DOCK9: variants seen among roughly 807,000 people sequenced by gnomAD.
The protein encoded by DOCK9 is dedicator of cytokinesis 9.
Under a neutral mutation model 263.3 loss-of-function variants are expected in DOCK9, and 89 were observed. The ratio of observed to expected loss-of-function variants is 0.34; its 90% CI spans 0.28 to 0.40. DOCK9 has a LOEUF of 0.40. DOCK9 is among the 10% of genes least tolerant of loss of function. The pLI is 1.00. For synonymous variants in DOCK9, 976 were observed against 973.1 expected, an observed-to-expected ratio of 1.00 and a Z score of -0.06; for missense variants, 2,140 against 2,603.4, an observed-to-expected ratio of 0.82 and a Z score of 3.87.
At position 98,883,795 on chromosome 13, in the gene DOCK9, T is replaced by C. The variant is rs1188297118; in HGVS notation, c.2469+18A>G. The C allele has an allele frequency of 3.2e-6, 5 of 1,561,044 alleles. No homozygotes were observed. The stretch of plus-strand genomic sequence containing the variant: ...GTCACAGGGCAGCAACTGCTAATTT[T>C]GTTGAAGGAGCACATACCTGAGTAT... On this transcript the variant is annotated intron_variant, in intron 22 of 52. Coordinates refer to ENST00000682017, the MANE Select transcript of DOCK9 (RefSeq NM_001366683.2).
chr13:98,890,734 A>T (rs1192357779), intron 15 of DOCK9, among the ~76,000 whole-genome samples: 3 of 152,206 alleles, frequency 2.0e-5, no homozygotes, highest in Admixed American at 6.5e-5. Flanking sequence ...ACTCCTCAGT[A>T]CATCTTGGAA....
chr13:98,973,792 T>C (rs1037500872), intron 1 of DOCK9, among the ~76,000 whole-genome samples: 3 of 152,206 alleles, frequency 2.0e-5, no homozygotes, highest in East Asian at 1.9e-4. Flanking sequence ...GAGACGGAGT[T>C]TCGCCATGTT....
intron 50 of DOCK9, among the ~76,000 whole-genome samples, chr13:98,798,730 A>G (rs893069604): frequency 2.0e-5 from 3 of 152,208 alleles, no homozygotes; most frequent in African/African-American, 7.2e-5. Context: ...AAATACGCAA[A>G]TAAAATGATA....
At chr13:98,964,919 T>C (rs1403417316) in intron 1 of DOCK9, among the ~76,000 whole-genome samples, 1 of 152,288 alleles carries the variant, frequency 6.6e-6, no homozygotes, top group East Asian at 1.9e-4. Flanking sequence ...CAAGGATGGA[T>C]AACACTGGAG....
At chr13:99,010,000 TAAA>T (rs35908012) in intron 1 of DOCK9, among the ~76,000 whole-genome samples, 7 of 134,588 alleles carry the variant, frequency 5.2e-5, no homozygotes, top group African/African-American at 1.3e-4. Flanking sequence ...GGCCATAAGG[TAAA>T]AAAAAAAAAA....
intron 1 of DOCK9, among the ~76,000 whole-genome samples, chr13:99,031,654 G>A (rs1184255678): frequency 2.6e-5 from 4 of 152,146 alleles, no homozygotes; most frequent in East Asian, 1.9e-4. Context: ...AAAGAGCATC[G>A]ATGAAAATGT....
chr13:98,917,080 T>G (rs550290547), intron 7 of DOCK9, among the ~76,000 whole-genome samples: 1 of 152,324 alleles, frequency 6.6e-6, no homozygotes, highest in Non-Finnish European at 1.5e-5. Flanking sequence ...CACCATCAGC[T>G]GCATCTGCAA....
intron 9 of DOCK9, among the ~76,000 whole-genome samples, chr13:98,912,984 AAC>A: frequency 6.6e-6 from 1 of 152,336 alleles, no homozygotes; most frequent in South Asian, 2.1e-4. Context: ...TCATAACACA[AAC>A]ACACAAGCCA....
chr13:98,830,332 A>G (rs1256672628), intron 41 of DOCK9, among the ~76,000 whole-genome samples: 5 of 152,006 alleles, frequency 3.3e-5, no homozygotes, highest in Non-Finnish European at 7.4e-5. Flanking sequence ...TGTCAACTCA[A>G]TCTCCTCTTC....
intron 39 of DOCK9, among the ~76,000 whole-genome samples, chr13:98,836,017 T>A (rs2092985386): frequency 6.6e-6 from 1 of 152,160 alleles, no homozygotes; most frequent in South Asian, 2.1e-4. Context: ...ATTACAGGTG[T>A]GAGCCACTTC....
At chr13:98,930,573 G>A (rs2053757539) in intron 2 of DOCK9, among the ~76,000 whole-genome samples, 1 of 152,126 alleles carries the variant, frequency 6.6e-6, no homozygotes, top group Non-Finnish European at 1.5e-5. Context: ...GCTTGATCTA[G>A]CCCCATGACA....
intron 2 of DOCK9, among the ~76,000 whole-genome samples, chr13:98,939,313 GAA>G (rs1472358474): frequency 3.9e-5 from 6 of 152,168 alleles, no homozygotes; most frequent in Non-Finnish European, 5.9e-5. Flanking sequence ...TCAGAGAGAA[GAA>G]GGCCCGGGGT....
chr13:98,902,548 G>T, intron 11 of DOCK9, 57 bp from the exon 12 acceptor site: 1 of 1,527,930 alleles, frequency 6.5e-7, no homozygotes, highest in Non-Finnish European at 8.9e-7. Flanking sequence ...ACAAAAGAAT[G>T]TTGCTATCAA....
intron 45 of DOCK9, among the ~76,000 whole-genome samples, chr13:98,822,175 G>C (rs117564286): frequency 0.034 from 5,115 of 152,282 alleles, 125 homozygotes; most frequent in Middle Eastern, 0.088. Flanking sequence ...GATTTACTAA[G>C]TTTATGCTTC....
chr13:98,987,428 G>C (rs539491207), intron 1 of DOCK9, among the ~76,000 whole-genome samples: 103 of 152,310 alleles, frequency 6.8e-4, no homozygotes, highest in African/African-American at 2.4e-3. Flanking sequence ...TTGAACATTG[G>C]TGGATATGAA....
chr13:98,807,907 G>C, intron 47 of DOCK9, 100 bp from the exon 48 acceptor site: 1 of 1,025,794 alleles, frequency 9.7e-7, no homozygotes, highest in Admixed American at 3.1e-5. Flanking sequence ...AAAGGAATGG[G>C]TCTAAAAATC....
intron 36 of DOCK9, among the ~76,000 whole-genome samples, chr13:98,849,792 G>A (rs2093507954): frequency 6.6e-6 from 1 of 152,146 alleles, no homozygotes; most frequent in Non-Finnish European, 1.5e-5. Context: ...ATTTTATTAA[G>A]ATGACTTATA....
At position 98,894,868 on chromosome 13, in the gene DOCK9, G is replaced by A. The variant is rs531013156; in HGVS notation, c.1709+2620C>T. On this transcript the variant is annotated intron_variant, in intron 15 of 52. Coordinates refer to ENST00000682017, the MANE Select transcript of DOCK9 (RefSeq NM_001366683.2). ...TCACACCTGTAATCCCAGCACTTTGGGAAGCTGAGGCGGGCAGATTGCCTG... is the reference window on the plus strand; with the variant it reads ...TCACACCTGTAATCCCAGCACTTTGAGAAGCTGAGGCGGGCAGATTGCCTG... Among the ~76,000 whole-genome samples, 24 of 149,194 alleles carry A rather than the reference G, an allele frequency of 1.6e-4. No individual in the cohort carries two copies. The South Asian group carries it at 4.9e-3, about 30-fold the overall frequency.
At chr13:99,005,152 G>A (rs988176178) in intron 1 of DOCK9, among the ~76,000 whole-genome samples, 25 of 151,632 alleles carry the variant, frequency 1.6e-4, no homozygotes, top group African/African-American at 5.6e-4. Context: ...TCATCAAAAT[G>A]CCCCAGAGAG....
Sources: allele counts gnomAD v4.1 joint callset (sites outside exome capture counted in the v4.1 genomes callset), GRCh38; gene constraint gnomAD v4.1.1; transcripts MANE v1.5; gene names NCBI Gene and HGNC (gene_info 2026-07-23, HGNC 2026-07-21).